SPEG: variants seen among roughly 807,000 people sequenced by gnomAD.
The protein encoded by SPEG is striated muscle enriched protein kinase.
In SPEG, 114 loss-of-function variants were observed where a neutral mutation model predicts 300.4. The observed-to-expected ratio is 0.38, with a 90% CI of 0.33 to 0.44. The LOEUF (loss-of-function observed/expected upper bound fraction) is 0.44, where lower values mean the gene tolerates loss of function less well. SPEG is among the 20% of genes least tolerant of loss of function. The pLI, the probability that SPEG is intolerant of heterozygous loss-of-function variation, is 1.00. For missense variants in SPEG, 4,201 were observed against 4,586.2 expected (o/e 0.92, Z 2.43); for synonymous variants, 1,964 against 2,018.9 (o/e 0.97, Z 0.73).
At position 219,488,892 on chromosome 2, in the gene SPEG, G is replaced by T; in HGVS notation, c.8141G>T (p.Arg2714Leu). ...CCTTGCACGTATACGCTGGAGCGGC[G>T]AGTGGATGGTGAGGATGGGGCAGCT... ...RAPCTYTLER[R>L]VDGESVWHPV... Residue 2714 changes from arginine to leucine, a missense_variant, in exon 34 of 41, where the codon CGA (arginine) becomes CTA (leucine). By Grantham distance (102) the Arg-to-Leu change is moderately radical (BLOSUM62 -2). Coordinates refer to ENST00000312358, the MANE Select transcript of SPEG (RefSeq NM_005876.5). 6.3e-7 allele frequency: 1 copy of T among 1,584,292 alleles called. No homozygotes were observed. Among genetic ancestry groups the T allele is most frequent in the South Asian group, 1.1e-5 (1 of 87,904 alleles).
intron 22 of SPEG, 138 bp downstream of exon 22, chr2:219,478,243 A>G (rs1444098611): frequency 2.8e-6 from 2 of 725,454 alleles, no homozygotes; most frequent in African/African-American, 1.8e-5. Flanking sequence ...GGAGACTTCT[A>G]TGAAAACCAA....
chr2:219,464,352 TGCACA>T lies in SPEG; in HGVS notation c.2706-79_2706-75del, dbSNP rs1691049264. Reference sequence around the variant, plus strand: ...CAAACTGCACAGGGAAGGAGAGGCCTGCACAGTGCTGCAGCCCCAGTTCCTGTGCA... The same window carrying T: ...CAAACTGCACAGGGAAGGAGAGGCCTGTGCTGCAGCCCCAGTTCCTGTGCA... On this transcript the variant is annotated intron_variant, in intron 8 of 40. Transcript: ENST00000312358. The surrounding 1 kb of genome is among the most constrained non-coding windows in gnomAD (Gnocchi z 4.5). 7 of 1,430,200 alleles carry T rather than the reference TGCACA, an allele frequency of 4.9e-6. No homozygotes were observed. The Admixed American group carries it at 1.3e-4, about 27-fold the overall frequency. 88.6% of individuals were successfully genotyped at this position (1,430,200 alleles called of 1,614,324 possible). A position where few individuals can be genotyped will look rare whatever the true frequency, so the allele number is the denominator to read the frequency against.
Position 219,464,548 on chromosome 2 carries a change from A to G in SPEG, c.2821A>G (p.Thr941Ala). Residue 941 changes from threonine (T) to alanine (A), a missense_variant, in exon 9 of 41, where the codon ACT becomes GCT. Coordinates refer to ENST00000312358, the MANE Select transcript of SPEG (RefSeq NM_005876.5). This position sits in a 1 kb window ranked among gnomAD's most constrained non-coding sequence, Gnocchi z 4.5. ...AGAGCGTGGCGATGCTGGTTTCTAC[A>G]CTTGCAAAGCGGTCAATGAGTATGG... ...AAERGDAGFYTCKAVNEYGAR... is the reference protein window; with the variant it reads ...AAERGDAGFYACKAVNEYGAR... The G allele has an allele frequency of 6.2e-7, 1 of 1,614,252 alleles. No individual in the cohort carries two copies. The highest frequency in any genetic ancestry group is 2.2e-5 in the East Asian group (1 of 44,888).
intron 6 of SPEG, among the ~76,000 whole-genome samples, chr2:219,456,908 CA>C (rs61151030): frequency 0.24 from 9,477 of 39,154 alleles, 558 homozygotes; most frequent in African/African-American, 0.36. Flanking sequence ...GACTCTGTCT[CA>C]AAAAAAAAAA....
In SPEG at chr2:219,467,287, G is replaced by T; in HGVS notation, c.2995G>T (p.Val999Leu). The change falls in exon 10 of 41, where the codon GTG becomes TTG. Residue 999 changes from valine (V) to leucine (L), a missense_variant. Coordinates refer to ENST00000312358, the MANE Select transcript of SPEG (RefSeq NM_005876.5). ...CLVAGPTDVEVDWLCRGRLLQ... is the reference protein window; with the variant it reads ...CLVAGPTDVELDWLCRGRLLQ... ...GGTGGCGGGGCCCACTGACGTGGAG[G>T]TGGATTGGCTGTGCCGTGGCCGCCT... The T allele has an allele frequency of 1.2e-6, 2 of 1,610,260 alleles. No individual in the cohort carries two copies. Among genetic ancestry groups the T allele is most frequent in the Non-Finnish European group, 1.7e-6 (2 of 1,179,654 alleles).
chr2:219,473,132 G>A lies in SPEG; in HGVS notation c.4147+36G>A, dbSNP rs1692038611. The A allele has an allele frequency of 4.4e-6, 7 of 1,590,930 alleles. No individual in the cohort carries two copies. Among genetic ancestry groups the A allele is most frequent in the Non-Finnish European group, 5.1e-6 (6 of 1,165,982 alleles). Reference sequence around the variant, plus strand: ...GTGCTCCTGTCGGGTGGGGGTGGGAGCTGCTGGGATGGGGAATGGGGGCCC... The same window carrying A: ...GTGCTCCTGTCGGGTGGGGGTGGGAACTGCTGGGATGGGGAATGGGGGCCC... On this transcript the variant is annotated intron_variant, in intron 16 of 40. Transcript: ENST00000312358. This position sits in a 1 kb window ranked among gnomAD's most constrained non-coding sequence, Gnocchi z 4.6.
rs1692104491 is a variant in SPEG at position 219,473,821 on chromosome 2, C to G, written c.4365C>G (p.Ser1455Arg). Residue 1455 changes from serine (S) to arginine (R), a missense_variant, in exon 18 of 41, where the codon AGC becomes AGG. Physicochemically the swap from Ser to Arg is moderately radical, Grantham distance 110 (BLOSUM62 -1). Coordinates refer to ENST00000312358, the MANE Select transcript of SPEG (RefSeq NM_005876.5). The surrounding 1 kb of genome is among the most constrained non-coding windows in gnomAD (Gnocchi z 4.6). ...ACTGTCTTCGGATCTGCCGGGTGAGCCGCCGGGACATGGGGGCCCTCACCT... is the reference window on the plus strand; with the variant it reads ...ACTGTCTTCGGATCTGCCGGGTGAGGCGCCGGGACATGGGGGCCCTCACCT... ...DQYCLRICRVSRRDMGALTCT... is the reference protein window; with the variant it reads ...DQYCLRICRVRRRDMGALTCT... 6.2e-7 allele frequency: 1 copy of G among 1,613,870 alleles called. No individual in the cohort carries two copies. Among genetic ancestry groups the G allele is most frequent in the Admixed American group, 1.7e-5 (1 of 60,028 alleles).
Position 219,472,189 on chromosome 2 carries a change from C to G in SPEG, c.3836-38C>G, listed in dbSNP as rs148653539. 4.0e-4 allele frequency: 631 copies of G among 1,594,674 alleles called. 4 individuals carry two copies. The African/African-American group carries it at 7.5e-3, about 19-fold the overall frequency. On this transcript the variant is annotated intron_variant, in intron 14 of 40. Transcript: ENST00000312358. ...TCGGTGATCCTGTGGGGCTGTTGGGCCCTTGGACCCAGCAGACATTCGAAC... is the reference window on the plus strand; with the variant it reads ...TCGGTGATCCTGTGGGGCTGTTGGGGCCTTGGACCCAGCAGACATTCGAAC...
chr2:219,492,285 C>G, intron 40 of SPEG, 25 bp downstream of exon 40: 1 of 1,601,412 alleles, frequency 6.2e-7, no homozygotes, highest in Non-Finnish European at 8.5e-7. Context: ...CACCTGCTAT[C>G]CCCCAGTGTT....
At position 219,444,089 on chromosome 2, in the gene SPEG, C is replaced by CG. The variant is rs1334909027; in HGVS notation, c.389-563dup. ...GAAACTGGCTCCTGCTCTAGCCCCC[C>CG]GCATCCCCCCCTTTCCCACCCGGCC... On this transcript the variant is annotated intron_variant, in intron 1 of 40. Transcript: ENST00000312358. This position sits in a 1 kb window ranked among gnomAD's most constrained non-coding sequence, Gnocchi z 7.8. The CG allele has an allele frequency of 7.4e-7, 1 of 1,356,370 alleles. No individual in the cohort carries two copies. The highest frequency in any genetic ancestry group is 1.5e-5 in the African/African-American group (1 of 67,598). The allele number at this position is 1,356,370 out of a possible 1,614,324, so 84.0% of individuals were successfully genotyped here. A position where few individuals can be genotyped will look rare whatever the true frequency, so the allele number is the denominator to read the frequency against.
Position 219,481,209 on chromosome 2 carries a change from C to A in SPEG, c.5370-95C>A. The stretch of plus-strand genomic sequence containing the variant: ...TGCCCAGCCTCTGTCATCCTCACAA[C>A]CCCAGAGCCTCCATCTGTCCCCAGC... On this transcript the variant is annotated intron_variant, in intron 26 of 40. Coordinates refer to ENST00000312358, the MANE Select transcript of SPEG (RefSeq NM_005876.5). The surrounding 1 kb of genome is among the most constrained non-coding windows in gnomAD (Gnocchi z 5.4). 7.3e-7 allele frequency: 1 copy of A among 1,362,532 alleles called. No homozygotes were observed. Among genetic ancestry groups the A allele is most frequent in the Non-Finnish European group, 1.0e-6 (1 of 975,402 alleles). The allele number at this position is 1,362,532 out of a possible 1,614,324, so 84.4% of individuals were successfully genotyped here. A position where few individuals can be genotyped will look rare whatever the true frequency, so the allele number is the denominator to read the frequency against.
intron 9 of SPEG, chr2:219,465,804 TGCATGTGTGC>T (rs950819974): frequency 2.5e-4 from 150 of 594,238 alleles, no homozygotes; most frequent in Non-Finnish European, 1.4e-4. Flanking sequence ...TGCCTGTGCG[TGCATGTGTGC>T]GTGTGCGTGC....
chr2:219,443,126 C>T lies in SPEG; in HGVS notation c.389-1527C>T, dbSNP rs371609161. Reference sequence around the variant, plus strand: ...CTTTCAGAAAACCGGCCATTCCCGCCGGGCCTTTGGCCGACTCACCCATGG... The same window carrying T: ...CTTTCAGAAAACCGGCCATTCCCGCTGGGCCTTTGGCCGACTCACCCATGG... On this transcript the variant is annotated intron_variant, in intron 1 of 40. Transcript: ENST00000312358. The surrounding 1 kb of genome is among the most constrained non-coding windows in gnomAD (Gnocchi z 4.6). 4 of 1,612,558 alleles carry T rather than the reference C, an allele frequency of 2.5e-6. No homozygotes were observed. Among genetic ancestry groups the T allele is most frequent in the Admixed American group, 1.7e-5 (1 of 59,990 alleles).
rs1559380054 is a variant in SPEG at position 219,458,337 on chromosome 2, G to A, written c.2441-3545G>A. ...AGACCATGGAGCGGTGGTCCTCAGA[G>A]TGAGGCCCCCAGACCAGCAGCATCA... On this transcript the variant is annotated intron_variant, in intron 6 of 40. Coordinates refer to ENST00000312358, the MANE Select transcript of SPEG (RefSeq NM_005876.5). The surrounding 1 kb of genome is among the most constrained non-coding windows in gnomAD (Gnocchi z 4.2). 6.6e-5 allele frequency among the ~76,000 whole-genome samples: 10 copies of A among 152,162 alleles called. No individual in the cohort carries two copies. The highest frequency in any genetic ancestry group is 5.2e-4 in the Admixed American group (8 of 15,280).
intron 34 of SPEG, 34 bp from the exon 35 acceptor site, chr2:219,489,020 T>C (rs765296672): frequency 6.2e-7 from 1 of 1,611,022 alleles, no homozygotes; most frequent in Non-Finnish European, 8.5e-7. Context: ...CCACCGCTTC[T>C]GTGACCTCAG....
At chr2:219,482,306 C>G (rs1230837803) in intron 28 of SPEG, 1 of 171,694 alleles carries the variant, frequency 5.8e-6, no homozygotes, top group African/African-American at 2.4e-5. Context: ...CCTTCTTTCT[C>G]AGACCGGAAA....
rs1235180421 is a variant in SPEG at position 219,488,786 on chromosome 2, G to A, written c.8035G>A (p.Gly2679Arg). ...CTTCTTTCTCTTGCCAGGAGTCCCA[G>A]GAAAGCTAGCTCCTCCAGAGGTACC... ...SCTVAVARVP[G>R]KLAPPEVPQT... Residue 2679 changes from glycine (G) to arginine (R), a missense_variant, in exon 34 of 41, where the codon GGA (glycine) becomes AGA (arginine). Coordinates refer to ENST00000312358, the MANE Select transcript of SPEG (RefSeq NM_005876.5). The A allele has an allele frequency of 1.9e-6, 3 of 1,604,906 alleles. No individual in the cohort carries two copies. Among genetic ancestry groups the A allele is most frequent in the Non-Finnish European group, 2.6e-6 (3 of 1,175,104 alleles).
At chr2:219,462,986 T>C (rs546456858) in intron 8 of SPEG, among the ~76,000 whole-genome samples, 25 of 152,118 alleles carry the variant, frequency 1.6e-4, no homozygotes, top group African/African-American at 5.8e-4. Flanking sequence ...GGAAGGAGGA[T>C]TGCTTGAGCC....
rs561445340 is a variant in SPEG, at chr2:219,443,840, C to T, written c.389-813C>T. 7.5e-6 allele frequency: 3 copies of T among 402,146 alleles called. No homozygotes were observed. The highest frequency in any genetic ancestry group is 5.7e-5 in the South Asian group (3 of 52,340). The allele number at this position is 402,146 out of a possible 1,614,324, so 24.9% of individuals were successfully genotyped here. On this transcript the variant is annotated intron_variant, in intron 1 of 40. Transcript: ENST00000312358. The surrounding 1 kb of genome is among the most constrained non-coding windows in gnomAD (Gnocchi z 4.6). ...CCACTGGGGCAGCTGGAATAACAAG[C>T]CCAAGTATGGGGGTCCCCAGTGCTG...
Sources: gnomAD v4.1 joint callset for allele counts (sites outside exome capture counted in the v4.1 genomes callset) on GRCh38, gnomAD v4.1.1 for gene constraint, Gnocchi (gnomAD v3.1) non-coding constraint, MANE v1.5 for transcripts, NCBI Gene and HGNC (gene_info 2026-07-23, HGNC 2026-07-21) for gene names.